The following SMCO2 variants were observed in gnomAD, a reference collection of about 807,000 sequenced individuals.
The protein encoded by SMCO2 is single-pass membrane protein with coiled-coil domains 2.
In SMCO2, 25 loss-of-function variants were observed where a neutral mutation model predicts 29.5. That is an observed-to-expected ratio of 0.85 (90% CI 0.62 to 1.18). The LOEUF (loss-of-function observed/expected upper bound fraction) is 1.18. Among genes scored for constraint, SMCO2 ranks in the 50% most tolerant of loss-of-function variants. The probability of loss-of-function intolerance (pLI) is 0.00; values close to 1 mark genes in which losing one functional copy is unlikely to be tolerated. For missense variants in SMCO2, 348 were observed against 344.5 expected (o/e 1.01, Z -0.08); for synonymous variants, 117 against 123.3 (o/e 0.95, Z 0.34).
chr12:27,489,091 C>T (rs1192750758), intron 5 of SMCO2, among the ~76,000 whole-genome samples: 1 of 152,060 alleles, frequency 6.6e-6, no homozygotes, highest in Non-Finnish European at 1.5e-5. Flanking sequence ...CTCTGTTGCC[C>T]AGGCTGGAGT....
intron 4 of SMCO2, among the ~76,000 whole-genome samples, chr12:27,480,750 G>T (rs1949635678): frequency 6.6e-6 from 1 of 151,964 alleles, no homozygotes; most frequent in South Asian, 2.1e-4. Context: ...TGATACGCTG[G>T]CTACCCTTCA....
the SMCO2 span, among the ~76,000 whole-genome samples, chr12:27,437,091 T>C: frequency 6.6e-6 from 1 of 152,222 alleles, no homozygotes; most frequent in African/African-American, 2.4e-5. Context: ...ATATATGATG[T>C]AGACATTTTA....
chr12:27,479,392 GC>G (rs1204369991), intron 4 of SMCO2, among the ~76,000 whole-genome samples: 94 of 152,318 alleles, frequency 6.2e-4, no homozygotes, highest in African/African-American at 2.2e-3. Flanking sequence ...CAGTCCCCAG[GC>G]CTCCTGAAGG....
the SMCO2 span, among the ~76,000 whole-genome samples, chr12:27,431,028 T>C: frequency 8.7e-6 from 1 of 115,490 alleles, no homozygotes; most frequent in African/African-American, 3.0e-5. Flanking sequence ...ATTTACTATC[T>C]TTTTTTTTTT....
intron 3 of SMCO2, 29 bp from the exon 4 acceptor site, chr12:27,474,757 T>G: frequency 1.9e-6 from 3 of 1,550,930 alleles, no homozygotes; most frequent in South Asian, 2.4e-5. Flanking sequence ...CCTTTTGTTC[T>G]GCTTTGCTTC....
chr12:27,428,484 G>T, the SMCO2 span, among the ~76,000 whole-genome samples: 1 of 151,442 alleles, frequency 6.6e-6, no homozygotes, highest in Non-Finnish European at 1.5e-5. Flanking sequence ...GGCTGTTTTG[G>T]TTGTTTTTTG....
At chr12:27,492,380 G>A (rs1942929084) in intron 5 of SMCO2, among the ~76,000 whole-genome samples, 1 of 152,018 alleles carries the variant, frequency 6.6e-6, no homozygotes, top group African/African-American at 2.4e-5. Flanking sequence ...TGCCTTGATT[G>A]CTCTTGCAAG....
chr12:27,496,674 A>G (rs1190999656), intron 7 of SMCO2, among the ~76,000 whole-genome samples: 1 of 150,382 alleles, frequency 6.6e-6, no homozygotes, highest in African/African-American at 2.5e-5. Context: ...CCAACCACCA[A>G]CCCAGGTAGA....
At chr12:27,501,308 C>G (rs1026401253) in intron 7 of SMCO2, among the ~76,000 whole-genome samples, 1 of 144,852 alleles carries the variant, frequency 6.9e-6, no homozygotes, top group Non-Finnish European at 1.5e-5. Flanking sequence ...CCCAGCTACT[C>G]GGGAGGCTGA....
chr12:27,457,545 G>A, the SMCO2 span, among the ~76,000 whole-genome samples: 1 of 152,226 alleles, frequency 6.6e-6, no homozygotes, highest in Admixed American at 6.5e-5. Context: ...ATGGGGTCTT[G>A]GAAGTCCCAG....
chr12:27,479,965 G>A (rs1248300868), intron 4 of SMCO2, among the ~76,000 whole-genome samples: 1 of 152,204 alleles, frequency 6.6e-6, no homozygotes, highest in Non-Finnish European at 1.5e-5. Context: ...TGGGGAAAGA[G>A]AGAAGCCAGT....
chr12:27,430,129 G>A, the SMCO2 span, among the ~76,000 whole-genome samples: 6 of 152,010 alleles, frequency 3.9e-5, no homozygotes, highest in Non-Finnish European at 7.4e-5. Context: ...CCACTGATTC[G>A]AAATGTTGCC....
At chr12:27,426,226 C>T in the SMCO2 span, among the ~76,000 whole-genome samples, 1 of 152,182 alleles carries the variant, frequency 6.6e-6, no homozygotes, top group Non-Finnish European at 1.5e-5. Context: ...AACTTGAGGA[C>T]CAATTGCATA....
chr12:27,438,779 C>T, the SMCO2 span, among the ~76,000 whole-genome samples: 1 of 109,112 alleles, frequency 9.2e-6, no homozygotes. Flanking sequence ...CCCACCATTT[C>T]CCCCACAAAA....
rs1403259133 is a variant in SMCO2 at position 27,481,504 on chromosome 12, T to TC, written c.362+6595dup. On this transcript the variant is annotated intron_variant, in intron 4 of 7. Coordinates refer to ENST00000298876, the Ensembl canonical transcript of SMCO2. The stretch of plus-strand genomic sequence containing the variant: ...GCCATGTAGAAAACCATTAAGATTT[T>TC]CCCCGGACCTGTTTGGTTTTCTGGC... Among the ~76,000 whole-genome samples, 24 of 152,352 alleles carry TC rather than the reference T, an allele frequency of 1.6e-4. 1 individual carries two copies. Among genetic ancestry groups the TC allele is most frequent in the African/African-American group, 5.3e-4 (22 of 41,580 alleles).
the SMCO2 span, among the ~76,000 whole-genome samples, chr12:27,435,392 AC>A: frequency 2.7e-5 from 4 of 145,918 alleles, no homozygotes; most frequent in East Asian, 8.3e-4. Context: ...ATAATGAAGA[AC>A]CCCTACTCTA....
At chr12:27,454,742 C>G in the SMCO2 span, among the ~76,000 whole-genome samples, 1 of 152,154 alleles carries the variant, frequency 6.6e-6, no homozygotes, top group Non-Finnish European at 1.5e-5. Context: ...CACCCCACAA[C>G]GGGCCCCAGT....
At chr12:27,433,217 G>A in the SMCO2 span, among the ~76,000 whole-genome samples, 2 of 151,978 alleles carry the variant, frequency 1.3e-5, no homozygotes, top group Admixed American at 6.6e-5. Context: ...GGAATACAAA[G>A]CAGCTAAAAA....
intron 4 of SMCO2, among the ~76,000 whole-genome samples, chr12:27,484,245 G>C (rs1949668496): frequency 6.6e-6 from 1 of 152,072 alleles, no homozygotes; most frequent in African/African-American, 2.4e-5. Context: ...ACAAAAATTA[G>C]CTGGGCGCCT....
Sources: allele counts gnomAD v4.1 joint callset (sites outside exome capture counted in the v4.1 genomes callset), GRCh38; gene constraint gnomAD v4.1.1; transcripts MANE v1.5; gene names NCBI Gene and HGNC (gene_info 2026-07-23, HGNC 2026-07-21).